Variants in LINGO2 observed in about 807,000 individuals in gnomAD.
LINGO2 encodes leucine rich repeat and Ig domain containing 2.
In LINGO2, 14 loss-of-function variants were observed where a neutral mutation model predicts 30.6. The ratio of observed to expected loss-of-function variants is 0.46; its 90% CI spans 0.30 to 0.72. The LOEUF (loss-of-function observed/expected upper bound fraction) is 0.72. Among genes scored for constraint, LINGO2 ranks in the 30% least tolerant of loss-of-function variants. LINGO2 has a pLI of 0.07. For missense variants in LINGO2, 729 were observed against 751.7 expected (o/e 0.97, Z 0.35); for synonymous variants, 317 against 288.5 (o/e 1.10, Z -1.00).
the LINGO2 span, among the ~76,000 whole-genome samples, chr9:28,731,819 T>C: frequency 1.3e-5 from 2 of 152,154 alleles, no homozygotes; most frequent in African/African-American, 4.8e-5. Context: ...TACCATAATT[T>C]TGCAAGATGA....
chr9:28,110,981 C>G (rs910582744), intron 4 of LINGO2, among the ~76,000 whole-genome samples: 1 of 152,040 alleles, frequency 6.6e-6, no homozygotes, highest in Non-Finnish European at 1.5e-5. Context: ...GACTTGGAAC[C>G]AACCCAAATG....
the LINGO2 span, among the ~76,000 whole-genome samples, chr9:29,136,390 T>A: frequency 6.6e-6 from 1 of 152,202 alleles, no homozygotes; most frequent in Non-Finnish European, 1.5e-5. Context: ...AGTTTAGAAA[T>A]GTTATCTATA....
At chr9:28,957,687 G>A in the LINGO2 span, among the ~76,000 whole-genome samples, 2 of 151,968 alleles carry the variant, frequency 1.3e-5, no homozygotes, top group South Asian at 4.2e-4. Flanking sequence ...TCATGTTTTT[G>A]TTGTTTTGAT....
the LINGO2 span, among the ~76,000 whole-genome samples, chr9:28,771,494 TGTGTGTGTGTGTGA>T: frequency 0.023 from 2,861 of 123,868 alleles, 38 homozygotes; most frequent in Middle Eastern, 0.093. Context: ...TGTGTGTGTG[TGTGTGTGTGTGTGA>T]GAGAGAGAGA....
At chr9:28,911,575 C>T in the LINGO2 span, among the ~76,000 whole-genome samples, 1 of 152,002 alleles carries the variant, frequency 6.6e-6, no homozygotes, top group South Asian at 2.1e-4. Flanking sequence ...ATTATTTATA[C>T]ATCAAACAGC....
At chr9:27,984,690 C>T (rs1187160703) in intron 5 of LINGO2, among the ~76,000 whole-genome samples, 5 of 151,756 alleles carry the variant, frequency 3.3e-5, no homozygotes, top group Non-Finnish European at 5.9e-5. Context: ...ATAGCTGGCT[C>T]TTGATCTTTA....
chr9:29,161,988 C>A, the LINGO2 span, among the ~76,000 whole-genome samples: 1 of 151,164 alleles, frequency 6.6e-6, no homozygotes, highest in African/African-American at 2.4e-5. Context: ...GGCACAATCT[C>A]GGCTTACTAC....
chr9:28,190,376 T>A, intron 4 of LINGO2, among the ~76,000 whole-genome samples: 1 of 152,148 alleles, frequency 6.6e-6, no homozygotes, highest in East Asian at 1.9e-4. Context: ...CTGGTTGCAA[T>A]GAACCGAATA....
intron 4 of LINGO2, among the ~76,000 whole-genome samples, chr9:28,101,453 A>G (rs1166486447): frequency 2.0e-5 from 3 of 152,170 alleles, no homozygotes; most frequent in African/African-American, 7.2e-5. Flanking sequence ...GCTAGGGGAG[A>G]AAAAGGCTTC....
chr9:29,059,117 ATATT>A, the LINGO2 span, among the ~76,000 whole-genome samples: 1 of 151,882 alleles, frequency 6.6e-6, no homozygotes, highest in Non-Finnish European at 1.5e-5. Flanking sequence ...AGACTACAAA[ATATT>A]TATGAGAAAA....
the LINGO2 span, among the ~76,000 whole-genome samples, chr9:28,937,753 C>T: frequency 2.0e-5 from 3 of 152,130 alleles, no homozygotes; most frequent in Admixed American, 6.6e-5. Context: ...GAGTGGCAGA[C>T]CTGCTAGTCT....
chr9:28,055,830 T>C (rs947387901), intron 4 of LINGO2, among the ~76,000 whole-genome samples: 1 of 152,196 alleles, frequency 6.6e-6, no homozygotes, highest in African/African-American at 2.4e-5. Context: ...AAAAGTCTTC[T>C]TGCTTAGTCT....
chr9:28,343,485 A>G (rs1323107168), intron 3 of LINGO2, among the ~76,000 whole-genome samples: 1 of 152,174 alleles, frequency 6.6e-6, no homozygotes, highest in East Asian at 1.9e-4. Flanking sequence ...TGGCAAATCA[A>G]CAAAGATTGT....
the LINGO2 span, among the ~76,000 whole-genome samples, chr9:28,933,434 C>T: frequency 1.4e-4 from 22 of 152,122 alleles, no homozygotes; most frequent in Non-Finnish European, 2.5e-4. Flanking sequence ...TAGCCATTTT[C>T]CAAACATATT....
At chr9:28,865,622 A>T in the LINGO2 span, among the ~76,000 whole-genome samples, 3 of 152,272 alleles carry the variant, frequency 2.0e-5, no homozygotes, top group East Asian at 3.9e-4. Flanking sequence ...CTCTACTAGA[A>T]AAATACAAGA....
chr9:28,975,740 G>A, the LINGO2 span, among the ~76,000 whole-genome samples: 6 of 152,090 alleles, frequency 3.9e-5, 1 homozygote, highest in Non-Finnish European at 5.9e-5. Flanking sequence ...TTGTCACCCT[G>A]GAAACTCTAG....
At chr9:28,399,427 A>G (rs1318727585) in intron 2 of LINGO2, among the ~76,000 whole-genome samples, 3 of 152,182 alleles carry the variant, frequency 2.0e-5, no homozygotes, top group South Asian at 2.1e-4. Flanking sequence ...ATAAATTATG[A>G]CCCTTGTAAT....
At chr9:29,168,360 T>C in the LINGO2 span, among the ~76,000 whole-genome samples, 8 of 152,326 alleles carry the variant, frequency 5.3e-5, no homozygotes, top group South Asian at 4.1e-4. Context: ...CACATTTTCC[T>C]TGCTAAAAAA....
chr9:28,714,357 C>T, the LINGO2 span, among the ~76,000 whole-genome samples: 1 of 151,792 alleles, frequency 6.6e-6, no homozygotes, highest in South Asian at 2.1e-4. Context: ...CATCAAGGCT[C>T]AAAATGCTTG....
Sources: gnomAD v4.1 joint callset for allele counts (sites outside exome capture counted in the v4.1 genomes callset) on GRCh38, gnomAD v4.1.1 for gene constraint, MANE v1.5 for transcripts, NCBI Gene and HGNC (gene_info 2026-07-23, HGNC 2026-07-21) for gene names.